Variants in PRDM2 observed in about 807,000 individuals in gnomAD.
PRDM2 encodes PR domain zinc finger protein 2.
In PRDM2, 30 loss-of-function variants were observed where a neutral mutation model predicts 130.0. That is an observed-to-expected ratio of 0.23 (90% CI 0.17 to 0.31). The LOEUF (loss-of-function observed/expected upper bound fraction) is 0.31, where lower values mean the gene tolerates loss of function less well. Among genes scored for constraint, PRDM2 ranks in the 10% least tolerant of loss-of-function variants. The pLI, the probability that PRDM2 is intolerant of heterozygous loss-of-function variation, is 1.00. For missense variants in PRDM2, 2,011 were observed against 2,108.4 expected (o/e 0.95, Z 0.90); for synonymous variants, 871 against 782.4 (o/e 1.11, Z -1.89).
intron 4 of PRDM2, among the ~76,000 whole-genome samples, chr1:13,737,795 G>A (rs1185986031): frequency 6.6e-6 from 1 of 151,954 alleles, no homozygotes; most frequent in African/African-American, 2.4e-5. Context: ...AACTCTCTTT[G>A]GGAGTTTATT....
intron 4 of PRDM2, among the ~76,000 whole-genome samples, chr1:13,737,847 A>C (rs1643317921): frequency 6.6e-6 from 1 of 152,146 alleles, no homozygotes; most frequent in South Asian, 2.1e-4. Flanking sequence ...AGCACATACC[A>C]GGCACTGTCT....
chr1:13,782,351 A>C lies in PRDM2; in HGVS notation c.4556A>C (p.Asp1519Ala). 1 of 1,614,064 alleles carries C rather than the reference A, an allele frequency of 6.2e-7. No individual in the cohort carries two copies. ...SNSNHRRRTA[D>A]AEIKMQSMQT... Reference sequence around the variant, plus strand: ...AGCAACCACCGCAGACGGACAGCGGATGCGGAGATTAAAATGCAAAGCATG... The same window carrying C: ...AGCAACCACCGCAGACGGACAGCGGCTGCGGAGATTAAAATGCAAAGCATG... Residue 1519 changes from aspartate to alanine, a missense_variant, in exon 8 of 10, where the codon GAT becomes GCT. This residue lies in a region of PRDM2 where 410 missense variants were observed against 395.9 expected (regional missense o/e 1.04). Coordinates refer to ENST00000311066, the MANE Select transcript of PRDM2 (RefSeq NM_001393986.1).
rs1401150274 is a variant in PRDM2 at position 13,781,313 on chromosome 1, A to G, written c.3518A>G (p.Asp1173Gly). The change falls in exon 8 of 10, where the codon GAT becomes GGT. Residue 1173 changes from aspartate to glycine, a missense_variant. By Grantham distance (94) the Asp-to-Gly change is moderately conservative (BLOSUM62 -1). Around this residue, in one of 5 missense-constraint regions of PRDM2, gnomAD observed 229 missense variants for 364.1 expected, o/e 0.63. Coordinates refer to ENST00000311066, the MANE Select transcript of PRDM2 (RefSeq NM_001393986.1). This position sits in a 1 kb window ranked among gnomAD's most constrained non-coding sequence, Gnocchi z 6.1. ...KCEFCVQLFK[D>G]KTDLSEHRFL... ...GAATTTTGTGTGCAGCTTTTTAAGG[A>G]TAAAACGGACTTGTCAGAACATCGC... The G allele has an allele frequency of 1.2e-6, 2 of 1,614,252 alleles. No individual in the cohort carries two copies. Among genetic ancestry groups the G allele is most frequent in the Non-Finnish European group, 1.7e-6 (2 of 1,180,040 alleles).
At chr1:13,816,321 C>T in intron 8 of PRDM2, 106 bp from the exon 9 acceptor site, 2 of 1,425,686 alleles carry the variant, frequency 1.4e-6, no homozygotes, top group Middle Eastern at 1.9e-4. Flanking sequence ...GCAATCCTAT[C>T]CTGGCCTGGG....
intron 8 of PRDM2, among the ~76,000 whole-genome samples, chr1:13,815,683 A>C (rs1490280160): frequency 3.3e-5 from 5 of 152,160 alleles, no homozygotes; most frequent in African/African-American, 9.7e-5. Context: ...TAATGGTGTG[A>C]GTTATCTATC....
chr1:13,754,799 G>A (rs537773543), intron 6 of PRDM2, among the ~76,000 whole-genome samples: 221 of 152,338 alleles, frequency 1.5e-3, no homozygotes, highest in African/African-American at 5.0e-3. Flanking sequence ...TAGGGCACTG[G>A]CCTGTGGTTC....
At chr1:13,759,016 G>A (rs990634663) in intron 6 of PRDM2, among the ~76,000 whole-genome samples, 7 of 152,048 alleles carry the variant, frequency 4.6e-5, no homozygotes, top group African/African-American at 1.7e-4. Context: ...ATATGTTCTT[G>A]TTAGTTTAAT....
At chr1:13,700,919 C>T (rs976980603) in intron 1 of PRDM2, among the ~76,000 whole-genome samples, 3 of 152,154 alleles carry the variant, frequency 2.0e-5, no homozygotes, top group Non-Finnish European at 2.9e-5. Context: ...AACTCTGTTA[C>T]TAATTTTGCT....
At chr1:13,750,872 A>T (rs1259418628) in intron 6 of PRDM2, among the ~76,000 whole-genome samples, 3 of 151,910 alleles carry the variant, frequency 2.0e-5, no homozygotes, top group Non-Finnish European at 4.4e-5. Flanking sequence ...TATGTAATTC[A>T]ACTTGTTTCT....
chr1:13,814,711 CAT>C lies in PRDM2; in HGVS notation c.5037-1715_5037-1714del, dbSNP rs538997274. On this transcript the variant is annotated intron_variant, in intron 8 of 9. Transcript: ENST00000311066. ...GTGTGTACCCTGATTGAGAACCACT[CAT>C]GTGAGCTCTACCATGTGCCAGCTTT... is the stretch of plus-strand genomic sequence containing the variant. Among the ~76,000 whole-genome samples, 4 of 152,326 alleles carry C rather than the reference CAT, an allele frequency of 2.6e-5. No individual in the cohort carries two copies. The East Asian group carries it at 7.7e-4, about 29-fold the overall frequency.
intron 8 of PRDM2, among the ~76,000 whole-genome samples, chr1:13,788,770 T>G (rs939790928): frequency 3.3e-5 from 5 of 152,220 alleles, no homozygotes; most frequent in African/African-American, 4.8e-5. Flanking sequence ...AAGAGCACGG[T>G]CTTGGATGAG....
intron 1 of PRDM2, among the ~76,000 whole-genome samples, chr1:13,709,977 A>G (rs1642319278): frequency 6.6e-6 from 1 of 152,354 alleles, no homozygotes; most frequent in South Asian, 2.1e-4. Flanking sequence ...AAATAATATC[A>G]GTGATTTAGA....
chr1:13,712,633 T>C (rs1642406496), intron 1 of PRDM2, among the ~76,000 whole-genome samples: 1 of 152,158 alleles, frequency 6.6e-6, no homozygotes, highest in Admixed American at 6.5e-5. Context: ...GGCACGTGCC[T>C]GTAGTACTAG....
chr1:13,752,170 A>G (rs1308353779), intron 6 of PRDM2, among the ~76,000 whole-genome samples: 1 of 152,252 alleles, frequency 6.6e-6, no homozygotes, highest in Non-Finnish European at 1.5e-5. Context: ...ATAAATATTC[A>G]TTGATTGGCA....
chr1:13,800,639 T>A (rs1487196127), intron 8 of PRDM2, among the ~76,000 whole-genome samples: 1 of 152,194 alleles, frequency 6.6e-6, no homozygotes, highest in East Asian at 1.9e-4. Context: ...GAATTTAAAA[T>A]GCGGTCAGGC....
intron 5 of PRDM2, among the ~76,000 whole-genome samples, chr1:13,745,486 G>A (rs942482682): frequency 6.6e-6 from 1 of 151,068 alleles, no homozygotes; most frequent in East Asian, 1.9e-4. Flanking sequence ...GTGCAATGGC[G>A]TGATCTTGGC....
At position 13,774,124 on chromosome 1, in the gene PRDM2, A is replaced by G. The variant is rs541240736; in HGVS notation, c.622+936A>G. 2.6e-5 allele frequency among the ~76,000 whole-genome samples: 4 copies of G among 152,336 alleles called. No homozygotes were observed. The East Asian group carries it at 7.7e-4, about 29-fold the overall frequency. On this transcript the variant is annotated intron_variant, in intron 7 of 9. Coordinates refer to ENST00000311066, the MANE Select transcript of PRDM2 (RefSeq NM_001393986.1). ...ATAGTCCCTCTGGTGATAATATTCT[A>G]GGCCTGCCACGACGTAAGAATCCAA...
chr1:13,715,732 T>G, intron 2 of PRDM2, 118 bp downstream of exon 2: 1 of 865,366 alleles, frequency 1.2e-6, no homozygotes, highest in Non-Finnish European at 1.7e-6. Context: ...TTTTGTTTCT[T>G]AATACCATTA....
intron 9 of PRDM2, among the ~76,000 whole-genome samples, chr1:13,821,431 CATTTATTTATTT>C (rs112704883): frequency 0.025 from 3,413 of 138,248 alleles, 46 homozygotes; most frequent in African/African-American, 0.033. Flanking sequence ...ATGCAGTGAA[CATTTATTTATTT>C]ATTTATTTAT....
Sources: gnomAD v4.1 joint callset for allele counts (sites outside exome capture counted in the v4.1 genomes callset) on GRCh38, gnomAD v4.1.1 for gene constraint, gnomAD v4.1.1 regional missense constraint, Gnocchi (gnomAD v3.1) non-coding constraint, MANE v1.5 for transcripts, NCBI Gene and HGNC (gene_info 2026-07-23, HGNC 2026-07-21) for gene names.